Variants in TMEM233 observed in about 807,000 individuals in gnomAD.
TMEM233 encodes the protein dispanin subfamily B member 2.
In TMEM233, 6 loss-of-function variants were observed where a neutral mutation model predicts 11.2. That is an observed-to-expected ratio of 0.54 (90% CI 0.29 to 1.06). The LOEUF (loss-of-function observed/expected upper bound fraction) is 1.06. Ranked by LOEUF, TMEM233 falls within the 50% of genes least tolerant of loss-of-function variation. TMEM233 has a pLI of 0.08. For missense variants in TMEM233, 127 were observed against 144.7 expected (o/e 0.88, Z 0.63); for synonymous variants, 59 against 55.8 (o/e 1.06, Z -0.26).
At chr12:119,608,153 T>C (rs1210357734) in intron 1 of TMEM233, among the ~76,000 whole-genome samples, 1 of 152,136 alleles carries the variant, frequency 6.6e-6, no homozygotes, top group Non-Finnish European at 1.5e-5. Flanking sequence ...TAGCCTGCAA[T>C]GGTAAGAAGT....
downstream of TMEM233, among the ~76,000 whole-genome samples, chr12:119,644,364 C>CA (rs1179662775): frequency 6.7e-6 from 1 of 150,306 alleles, no homozygotes; most frequent in Admixed American, 6.6e-5. Flanking sequence ...ATTTGCTAGG[C>CA]AAAAAAACAA....
chr12:119,632,535 AG>A (rs893870064), intron 2 of TMEM233, among the ~76,000 whole-genome samples: 1 of 152,180 alleles, frequency 6.6e-6, no homozygotes, highest in African/African-American at 2.4e-5. Context: ...GTCAGGGCTA[AG>A]GTTCACAAAA....
At chr12:119,596,196 ACTGT>A (rs1954044847) in intron 1 of TMEM233, among the ~76,000 whole-genome samples, 2 of 152,244 alleles carry the variant, frequency 1.3e-5, no homozygotes, top group South Asian at 4.1e-4. Flanking sequence ...GCAGCAGCAG[ACTGT>A]CTGGCTGGCA....
At chr12:119,649,837 G>A in the TMEM233 span, among the ~76,000 whole-genome samples, 120,084 of 138,830 alleles carry the variant, frequency 0.86, 52,403 homozygotes, top group African/African-American at 0.97. Context: ...TCTGTCCCAC[G>A]GTAGTTGTTT....
chr12:119,594,823 C>G lies in TMEM233; in HGVS notation c.186+789C>G, dbSNP rs1292939472. Among the ~76,000 whole-genome samples the G allele has an allele frequency of 6.6e-6, 1 of 152,280 alleles. No individual in the cohort carries two copies. Among genetic ancestry groups the G allele is most frequent in the South Asian group, 2.1e-4 (1 of 4,830 alleles). On this transcript the variant is annotated intron_variant, in intron 1 of 2. Transcript: ENST00000426426. This position sits in a 1 kb window ranked among gnomAD's most constrained non-coding sequence, Gnocchi z 5.6. ...CCTCACCAGCAAAGTGGGTGCGCCT[C>G]TCTTACTCTTTCTACCCAGCGCGTC...
At chr12:119,629,650 A>T in intron 1 of TMEM233, 86 bp from the exon 2 acceptor site, 1 of 1,384,156 alleles carries the variant, frequency 7.2e-7, no homozygotes, top group Non-Finnish European at 9.6e-7. Context: ...AGCTCTTGGA[A>T]CCTTTTCATC....
chr12:119,633,444 G>T (rs984043958), intron 2 of TMEM233, among the ~76,000 whole-genome samples: 50 of 151,962 alleles, frequency 3.3e-4, no homozygotes, highest in South Asian at 1.7e-3. Context: ...TTAATTAGCT[G>T]GGCATGGTGG....
downstream of TMEM233, among the ~76,000 whole-genome samples, chr12:119,643,326 G>C (rs549485841): frequency 9.9e-5 from 15 of 152,276 alleles, no homozygotes; most frequent in African/African-American, 3.6e-4. Flanking sequence ...TGCTCCTTGG[G>C]GTCAAGAGGG....
intron 2 of TMEM233, among the ~76,000 whole-genome samples, chr12:119,636,836 G>A (rs1366391117): frequency 1.3e-5 from 2 of 152,224 alleles, no homozygotes; most frequent in Non-Finnish European, 2.9e-5. Flanking sequence ...GGCACAAGGT[G>A]AGCTTTGAGT....
At chr12:119,632,676 T>C (rs1954908410) in intron 2 of TMEM233, among the ~76,000 whole-genome samples, 1 of 152,200 alleles carries the variant, frequency 6.6e-6, no homozygotes, top group Admixed American at 6.5e-5. Context: ...TCTGCTCCAA[T>C]TGTAACCACT....
chr12:119,617,713 A>T (rs528490602), intron 1 of TMEM233, among the ~76,000 whole-genome samples: 1 of 152,176 alleles, frequency 6.6e-6, no homozygotes, highest in Admixed American at 6.5e-5. Context: ...CATGCCTGTA[A>T]TCCCAGCTAC....
intron 1 of TMEM233, among the ~76,000 whole-genome samples, chr12:119,607,866 G>A (rs896477846): frequency 2.6e-5 from 4 of 152,122 alleles, no homozygotes; most frequent in African/African-American, 4.8e-5. Context: ...GATTACAGGC[G>A]TGAGCCACCA....
At chr12:119,599,833 T>C (rs995880861) in intron 1 of TMEM233, among the ~76,000 whole-genome samples, 2 of 152,160 alleles carry the variant, frequency 1.3e-5, no homozygotes, top group African/African-American at 2.4e-5. Context: ...ATTTTCTCTC[T>C]GGTAAGATTA....
chr12:119,633,754 T>G (rs1954927955), intron 2 of TMEM233, among the ~76,000 whole-genome samples: 3 of 152,192 alleles, frequency 2.0e-5, no homozygotes, highest in Admixed American at 2.0e-4. Context: ...GGCCAATTTC[T>G]CAGTAATCCT....
Position 119,641,290 on chromosome 12 carries a change from G to A in TMEM233, c.*585G>A, listed in dbSNP as rs1955080054. The A allele has an allele frequency of 1.3e-5, 2 of 152,276 alleles. No individual in the cohort carries two copies. Among genetic ancestry groups the A allele is most frequent in the African/African-American group, 2.4e-5 (1 of 41,418 alleles). 9.4% of individuals were successfully genotyped at this position (152,276 alleles called of 1,614,324 possible). A position where few individuals can be genotyped will look rare whatever the true frequency, so the allele number is the denominator to read the frequency against. On this transcript the variant is annotated 3_prime_UTR_variant, in exon 3 of 3. Coordinates refer to ENST00000426426, the MANE Select transcript of TMEM233 (RefSeq NM_001136534.3). ...ATCTGGTCATCAAACACTCAAAGAA[G>A]GGGCTTTTCTGGCCTTTTGTCTTGA... is the stretch of plus-strand genomic sequence containing the variant.
downstream of TMEM233, among the ~76,000 whole-genome samples, chr12:119,644,588 C>T (rs1955127862): frequency 6.6e-6 from 1 of 151,490 alleles, no homozygotes; most frequent in African/African-American, 2.4e-5. Context: ...AGCGATTCTC[C>T]TGCTTCAGCT....
intron 1 of TMEM233, among the ~76,000 whole-genome samples, chr12:119,606,298 C>T (rs1269979405): frequency 1.6e-5 from 2 of 126,128 alleles, no homozygotes; most frequent in Non-Finnish European, 3.4e-5. Context: ...AAGGAGGGGA[C>T]ACTGGGAAAG....
intron 1 of TMEM233, among the ~76,000 whole-genome samples, chr12:119,624,075 T>G (rs1309879355): frequency 1.3e-5 from 2 of 151,876 alleles, no homozygotes; most frequent in African/African-American, 4.8e-5. Context: ...ATAGGCTGGG[T>G]AAGGTGGCTC....
At position 119,641,003 on chromosome 12, in the gene TMEM233, C is replaced by A; in HGVS notation, c.*298C>A. On this transcript the variant is annotated 3_prime_UTR_variant, in exon 3 of 3. Transcript: ENST00000426426. ...TCAGTTTAGCGAATCCCGTTGTGTCCACTCCTGTCCTCCAGAGGCGAGCCT... is the reference window on the plus strand; with the variant it reads ...TCAGTTTAGCGAATCCCGTTGTGTCAACTCCTGTCCTCCAGAGGCGAGCCT... The A allele has an allele frequency of 2.7e-6, 1 of 376,130 alleles. No homozygotes were observed. Among genetic ancestry groups the A allele is most frequent in the Non-Finnish European group, 4.8e-6 (1 of 208,772 alleles). The allele number at this position is 376,130 out of a possible 1,614,324, so 23.3% of individuals were successfully genotyped here.
Sources: allele counts gnomAD v4.1 joint callset (sites outside exome capture counted in the v4.1 genomes callset), GRCh38; gene constraint gnomAD v4.1.1; non-coding constraint Gnocchi (gnomAD v3.1); transcripts MANE v1.5; gene names NCBI Gene and HGNC (gene_info 2026-07-23, HGNC 2026-07-21).